The following SEL1L3 variants were observed in gnomAD, a reference collection of about 807,000 sequenced individuals.
SEL1L3 encodes the protein protein sel-1 homolog 3.
Under a neutral mutation model 142.8 loss-of-function variants are expected in SEL1L3, and 76 were observed. The observed-to-expected ratio is 0.53, with a 90% CI of 0.44 to 0.64. The LOEUF (loss-of-function observed/expected upper bound fraction) is 0.64. Ranked by LOEUF, SEL1L3 falls within the 30% of genes least tolerant of loss-of-function variation. The pLI, the probability that SEL1L3 is intolerant of heterozygous loss-of-function variation, is 0.00. For missense variants in SEL1L3, 1,262 were observed against 1,381.7 expected, an observed-to-expected ratio of 0.91 and a Z score of 1.37; for synonymous variants, 504 against 519.6, an observed-to-expected ratio of 0.97 and a Z score of 0.41.
chr4:25,827,483 C>T (rs1442128066), intron 6 of SEL1L3, among the ~76,000 whole-genome samples: 1 of 152,200 alleles, frequency 6.6e-6, no homozygotes, highest in Non-Finnish European at 1.5e-5. Flanking sequence ...TCCCTTGTAC[C>T]TTCATGGGAG....
At chr4:25,756,143 C>T in intron 23 of SEL1L3, 2 of 985,442 alleles carry the variant, frequency 2.0e-6, no homozygotes, top group African/African-American at 1.7e-5. Flanking sequence ...GAAATAACAG[C>T]TACGCAAATG....
chr4:25,760,550 G>A (rs527970012), intron 20 of SEL1L3, among the ~76,000 whole-genome samples: 5 of 152,186 alleles, frequency 3.3e-5, no homozygotes, highest in African/African-American at 7.2e-5. Flanking sequence ...CAACCTCACC[G>A]GCACCTGTTC....
the SEL1L3 span, among the ~76,000 whole-genome samples, chr4:25,714,201 C>A: frequency 6.6e-6 from 1 of 152,152 alleles, no homozygotes; most frequent in African/African-American, 2.4e-5. Context: ...AGTGAGGGGG[C>A]CTGCAGTAGC....
intron 9 of SEL1L3, among the ~76,000 whole-genome samples, chr4:25,812,638 G>A (rs1256749920): frequency 6.6e-6 from 1 of 151,826 alleles, no homozygotes; most frequent in Non-Finnish European, 1.5e-5. Context: ...CTTGAACCCG[G>A]GAGGCAGAGG....
intron 11 of SEL1L3, among the ~76,000 whole-genome samples, chr4:25,800,206 T>C (rs1029171498): frequency 1.1e-4 from 16 of 152,248 alleles, no homozygotes; most frequent in Non-Finnish European, 8.8e-5. Context: ...TGGCTTTCTC[T>C]GTCTTCTCAT....
At chr4:25,736,850 C>T in the SEL1L3 span, among the ~76,000 whole-genome samples, 1 of 117,064 alleles carries the variant, frequency 8.5e-6, no homozygotes, top group Non-Finnish European at 2.0e-5. Flanking sequence ...ATATTCCATC[C>T]TACTGCCCTT....
intron 14 of SEL1L3, among the ~76,000 whole-genome samples, chr4:25,783,357 A>C (rs9997403): frequency 0.22 from 32,803 of 152,158 alleles, 3,747 homozygotes; most frequent in African/African-American, 0.28. Context: ...ATTCCATGCT[A>C]CAACTTCCTG....
intron 6 of SEL1L3, among the ~76,000 whole-genome samples, chr4:25,825,920 C>T (rs1347637321): frequency 3.3e-5 from 5 of 152,084 alleles, no homozygotes; most frequent in Non-Finnish European, 7.4e-5. Flanking sequence ...GATCCGCCTG[C>T]TTCGGCCTCC....
intron 3 of SEL1L3, among the ~76,000 whole-genome samples, chr4:25,834,446 C>T (rs1355060192): frequency 2.6e-5 from 4 of 152,242 alleles, no homozygotes; most frequent in Admixed American, 2.6e-4. Flanking sequence ...CCCCAGTAAC[C>T]AATTTACAGT....
intron 5 of SEL1L3, among the ~76,000 whole-genome samples, chr4:25,831,278 T>C (rs1192931831): frequency 6.6e-6 from 1 of 151,898 alleles, no homozygotes; most frequent in Non-Finnish European, 1.5e-5. Flanking sequence ...TTCCCTTCTA[T>C]TAGCTTTCTA....
the SEL1L3 span, among the ~76,000 whole-genome samples, chr4:25,729,769 G>T: frequency 6.6e-3 from 1,007 of 152,106 alleles, 6 homozygotes; most frequent in Non-Finnish European, 0.012. Context: ...CATAAAACCC[G>T]GTCCACCCTT....
Position 25,847,879 on chromosome 4 carries a change from A to T in SEL1L3, c.163-15T>A. On this transcript the variant is annotated splice_polypyrimidine_tract_variant and intron_variant, in intron 1 of 23. Transcript: ENST00000399878. ...GGTACAACATTCTGAAAAAAAGAAA[A>T]AGAAAGTAAGAAATACAGAAAGTTT... 7.0e-7 allele frequency: 1 copy of T among 1,437,008 alleles called. No individual in the cohort carries two copies. Among genetic ancestry groups the T allele is most frequent in the Non-Finnish European group, 9.4e-7 (1 of 1,069,152 alleles). The allele number at this position is 1,437,008 out of a possible 1,614,324, so 89.0% of individuals were successfully genotyped here.
chr4:25,804,952 T>C (rs1466795648), intron 9 of SEL1L3, among the ~76,000 whole-genome samples, 200 bp from the exon 10 acceptor site: 1 of 152,224 alleles, frequency 6.6e-6, no homozygotes, highest in East Asian at 1.9e-4. Context: ...TAGCTTTTTC[T>C]TTGGCACTAT....
the SEL1L3 span, among the ~76,000 whole-genome samples, chr4:25,734,059 T>G: frequency 6.6e-6 from 1 of 152,162 alleles, no homozygotes; most frequent in Non-Finnish European, 1.5e-5. Flanking sequence ...TCGCTCTGGC[T>G]GTCGCCCAGG....
rs1356102854 is a variant in SEL1L3 at position 25,842,739 on chromosome 4, T to A, written c.733+4555A>T. ...CATTCATTCAATCAACAAGTAGTCA[T>A]GAGTGCAGGGGCCTATGATCAGCAT... On this transcript the variant is annotated intron_variant, in intron 2 of 23. Coordinates refer to ENST00000399878, the MANE Select transcript of SEL1L3 (RefSeq NM_015187.5). 2.6e-5 allele frequency among the ~76,000 whole-genome samples: 4 copies of A among 152,250 alleles called. No individual in the cohort carries two copies. In the East Asian group the frequency reaches 7.7e-4, roughly 29 times the overall value.
chr4:25,753,442 A>G (rs1717733958), intron 23 of SEL1L3, among the ~76,000 whole-genome samples: 1 of 152,174 alleles, frequency 6.6e-6, no homozygotes, highest in Non-Finnish European at 1.5e-5. Flanking sequence ...CAGCACCCAG[A>G]GTTCATTATT....
intron 3 of SEL1L3, among the ~76,000 whole-genome samples, chr4:25,833,817 ACTCTGTTT>A (rs938586988): frequency 9.2e-5 from 14 of 151,812 alleles, no homozygotes; most frequent in Non-Finnish European, 1.9e-4. Flanking sequence ...TGCACCAAAA[ACTCTGTTT>A]CTCTGCCTCT....
intron 2 of SEL1L3, among the ~76,000 whole-genome samples, chr4:25,838,882 G>T (rs989042317): frequency 1.3e-5 from 2 of 152,186 alleles, no homozygotes; most frequent in Non-Finnish European, 2.9e-5. Context: ...TCCCTTGCTT[G>T]GGAAAAGGTA....
intron 1 of SEL1L3, among the ~76,000 whole-genome samples, chr4:25,852,844 G>A (rs562121269): frequency 6.6e-6 from 1 of 152,218 alleles, no homozygotes; most frequent in African/African-American, 2.4e-5. Flanking sequence ...GGGATAAGGG[G>A]TGTCAGATTT....
Sources: allele counts gnomAD v4.1 joint callset (sites outside exome capture counted in the v4.1 genomes callset), GRCh38; gene constraint gnomAD v4.1.1; transcripts MANE v1.5; gene names NCBI Gene and HGNC (gene_info 2026-07-23, HGNC 2026-07-21).